The following SORBS2 variants were observed in gnomAD, a reference collection of about 807,000 sequenced individuals.
SORBS2 encodes the protein sorbin and SH3 domain-containing protein 2.
SORBS2 carries 46 observed loss-of-function variants against 97.7 expected under a neutral mutation model. That is an observed-to-expected ratio of 0.47 (90% CI 0.37 to 0.60). The LOEUF is 0.60. Among genes scored for constraint, SORBS2 ranks in the 20% least tolerant of loss-of-function variants. The pLI is 0.00. For missense variants in SORBS2, 1,316 were observed against 1,282.3 expected, an observed-to-expected ratio of 1.03 and a Z score of -0.40; for synonymous variants, 476 against 473.4, an observed-to-expected ratio of 1.01 and a Z score of -0.07.
At chr4:185,790,194 T>C (rs2099074168) in intron 1 of SORBS2, among the ~76,000 whole-genome samples, 1 of 152,098 alleles carries the variant, frequency 6.6e-6, no homozygotes, top group South Asian at 2.1e-4. Flanking sequence ...ACAACACATT[T>C]GCTATGAAAA....
rs1056721067 is a variant in SORBS2 at position 185,684,363 on chromosome 4, C to T, written c.-197-5541G>A. 1.3e-5 allele frequency among the ~76,000 whole-genome samples: 2 copies of T among 152,036 alleles called. No individual in the cohort carries two copies. The highest frequency in any genetic ancestry group is 4.8e-5 in the African/African-American group (2 of 41,388). On this transcript the variant is annotated intron_variant, in intron 2 of 20. Coordinates refer to the SORBS2 transcript ENST00000284776. The surrounding 1 kb of genome is among the most constrained non-coding windows in gnomAD (Gnocchi z 4.2). ...ATTAAAGGAAAGCAAAGGTCTCTTT[C>T]AAAACTAATGTTCTATCATTCTGTT...
upstream of SORBS2, chr4:185,656,977 C>T (rs994724114): frequency 2.7e-6 from 3 of 1,111,034 alleles, no homozygotes; most frequent in Non-Finnish European, 3.3e-6. Context: ...ATCACAGCTT[C>T]CAATCTCCCG....
At chr4:185,921,001 T>G (rs1313780609) in intron 1 of SORBS2, among the ~76,000 whole-genome samples, 2 of 152,160 alleles carry the variant, frequency 1.3e-5, no homozygotes, top group Non-Finnish European at 2.9e-5. Flanking sequence ...CCTCCTTCGA[T>G]GGGAGCCCCT....
In SORBS2 at chr4:185,651,719, C is replaced by A. The variant is rs578110499; in HGVS notation, c.91+943G>T. The A allele has an allele frequency of 1.5e-5, 13 of 877,734 alleles. No individual in the cohort carries two copies. In the South Asian group the frequency reaches 1.7e-4, roughly 11 times the overall value. 54.4% of individuals were successfully genotyped at this position (877,734 alleles called of 1,614,324 possible). A position where few individuals can be genotyped will look rare whatever the true frequency, so the allele number is the denominator to read the frequency against. ...CAAACAGAAGGGGAAAAAAGGTGAC[C>A]GTGTCGTTCTTCCAAACATTGCTGA... On this transcript the variant is annotated intron_variant, in intron 2 of 14. Transcript: ENST00000418609.
intron 2 of SORBS2, among the ~76,000 whole-genome samples, chr4:185,691,229 T>TAAACA: frequency 6.6e-6 from 1 of 152,088 alleles, no homozygotes. Flanking sequence ...GAGAGGGTTG[T>TAAACA]GCTCTGTTAC....
intron 1 of SORBS2, among the ~76,000 whole-genome samples, chr4:185,929,460 G>A (rs1314408999): frequency 6.6e-6 from 1 of 151,684 alleles, no homozygotes; most frequent in Non-Finnish European, 1.5e-5. Flanking sequence ...TATCTCATTT[G>A]TATGATCCAT....
chr4:185,821,974 C>G (rs577734098), intron 1 of SORBS2, among the ~76,000 whole-genome samples: 1 of 152,264 alleles, frequency 6.6e-6, no homozygotes, highest in East Asian at 1.9e-4. Context: ...AGACATACCA[C>G]TATTTTATGT....
At position 185,623,492 on chromosome 4, in the gene SORBS2, T is replaced by G; in HGVS notation, c.1637A>C (p.His546Pro). 1 of 1,613,326 alleles carries G rather than the reference T, an allele frequency of 6.2e-7. No homozygotes were observed. The highest frequency in any genetic ancestry group is 1.7e-5 in the Admixed American group (1 of 59,982). Reference sequence around the variant, plus strand: ...GTGGTGGTGGTGGTGGTGATGGTGGTGGTGGTGGCTGGATCCGTAAAAGCT... The same window carrying G: ...GTGGTGGTGGTGGTGGTGATGGTGGGGGTGGTGGCTGGATCCGTAAAAGCT... Residue 546 changes from histidine to proline, a missense_variant, in exon 7 of 15, where the codon CAC (histidine) becomes CCC (proline). Physicochemically the swap from His to Pro is moderately conservative, Grantham distance 77. Coordinates refer to ENST00000418609, the Ensembl canonical transcript of SORBS2. The surrounding 1 kb of genome is among the most constrained non-coding windows in gnomAD (Gnocchi z 6.4).
At chr4:185,604,782 A>G (rs1418416919) in intron 12 of SORBS2, among the ~76,000 whole-genome samples, 2 of 152,114 alleles carry the variant, frequency 1.3e-5, no homozygotes, top group African/African-American at 4.8e-5. Context: ...ATATTCTATC[A>G]TTTTCTCATA....
chr4:185,834,048 A>C (rs1278642364), intron 1 of SORBS2, among the ~76,000 whole-genome samples: 4 of 152,238 alleles, frequency 2.6e-5, no homozygotes, highest in Non-Finnish European at 2.9e-5. Flanking sequence ...ATGATAAAAT[A>C]ATGTTTAAAC....
At position 185,623,818 on chromosome 4, in the gene SORBS2, G is replaced by A. The variant is rs148423116; in HGVS notation, c.1311C>T (p.Pro437=). ...CATTTTGCGGTGGTTCTAGGGTTAC[G>A]GGAGACAGCATGTCATCCCCTAAAT... The change falls in exon 7 of 15, where the codon CCC becomes CCT. Residue 437 remains proline (P), a synonymous_variant. Transcript: ENST00000418609. The surrounding 1 kb of genome is among the most constrained non-coding windows in gnomAD (Gnocchi z 6.4). 3.0e-4 allele frequency: 492 copies of A among 1,614,130 alleles called. 3 individuals are homozygous for A. The Middle Eastern group carries it at 4.1e-3, about 14-fold the overall frequency.
chr4:185,780,007 ATTTT>A (rs538693770), intron 1 of SORBS2, among the ~76,000 whole-genome samples: 8,138 of 97,714 alleles, frequency 0.083, 205 homozygotes, highest in South Asian at 0.19. Flanking sequence ...GTAGAGTAAC[ATTTT>A]TTTTTTTTTT....
At position 185,607,557 on chromosome 4, in the gene SORBS2, T is replaced by C. The variant is rs180799640; in HGVS notation, c.2796+4223A>G. On this transcript the variant is annotated intron_variant, in intron 12 of 14. Transcript: ENST00000418609. This position sits in a 1 kb window ranked among gnomAD's most constrained non-coding sequence, Gnocchi z 5.2. ...AAATTTAAATACATAAAATCATTTA[T>C]GTTAATTAGAAAAGTTACTTCACAA... 3.4e-4 allele frequency among the ~76,000 whole-genome samples: 52 copies of C among 152,336 alleles called. No homozygotes were observed. Among genetic ancestry groups the C allele is most frequent in the African/African-American group, 1.2e-3 (51 of 41,590 alleles).
rs141463006 is a variant in SORBS2, at chr4:185,593,896, C to G, written c.2836G>C (p.Gly946Arg). ...AAGAAGAATACTTACGGTTCCCCCC[C>G]ACCTTGAATATTTTCATGAGTAAAC... The change falls in exon 13 of 15, where the codon GGG (glycine) becomes CGG (arginine). Residue 946 changes from glycine to arginine, a missense_variant. Gly to Arg is a moderately radical substitution (Grantham distance 125, BLOSUM62 -2). Transcript: ENST00000418609. 113 of 1,603,434 alleles carry G rather than the reference C, an allele frequency of 7.0e-5. 1 individual carries two copies. In the Admixed American group the frequency reaches 9.3e-4, roughly 13 times the overall value.
intron 4 of SORBS2, among the ~76,000 whole-genome samples, chr4:185,673,162 C>T (rs967652375): frequency 3.3e-5 from 5 of 152,070 alleles, no homozygotes; most frequent in Admixed American, 2.0e-4. Flanking sequence ...TTGCCAGGCG[C>T]TTGGGGAAGG....
At chr4:185,851,538 G>A (rs1297881349) in intron 1 of SORBS2, among the ~76,000 whole-genome samples, 4 of 152,070 alleles carry the variant, frequency 2.6e-5, no homozygotes, top group African/African-American at 2.4e-5. Context: ...TAAAAGACTT[G>A]TGATGGTTAA....
At chr4:185,707,735 CA>C (rs1213772690) in intron 2 of SORBS2, among the ~76,000 whole-genome samples, 3 of 152,122 alleles carry the variant, frequency 2.0e-5, no homozygotes, top group African/African-American at 7.2e-5. Context: ...TGGCAGAAGG[CA>C]AAGGGCATCT....
At chr4:185,866,186 G>T (rs562838823) in intron 1 of SORBS2, among the ~76,000 whole-genome samples, 12 of 152,272 alleles carry the variant, frequency 7.9e-5, no homozygotes, top group African/African-American at 2.6e-4. Context: ...CCAAGGAGTG[G>T]CCGGGGTTGC....
At chr4:185,650,593 C>T (rs2097296900) in intron 2 of SORBS2, among the ~76,000 whole-genome samples, 1 of 152,288 alleles carries the variant, frequency 6.6e-6, no homozygotes, top group African/African-American at 2.4e-5. Flanking sequence ...TATAAAAATT[C>T]TAAATTTTCC....
Sources: allele counts gnomAD v4.1 joint callset (sites outside exome capture counted in the v4.1 genomes callset), GRCh38; gene constraint gnomAD v4.1.1; non-coding constraint Gnocchi (gnomAD v3.1); transcripts MANE v1.5; gene names NCBI Gene and HGNC (gene_info 2026-07-23, HGNC 2026-07-21).